The following TTC13 variants were observed in gnomAD, a reference collection of about 807,000 sequenced individuals.
TTC13 encodes the protein tetratricopeptide repeat domain 13.
In TTC13, 62 loss-of-function variants were observed where a neutral mutation model predicts 120.0. That is an observed-to-expected ratio of 0.52 (90% CI 0.42 to 0.64). The LOEUF (loss-of-function observed/expected upper bound fraction) is 0.64, where lower values mean the gene tolerates loss of function less well. TTC13 is among the 30% of genes least tolerant of loss of function. The pLI is 0.00. For missense variants in TTC13, 824 were observed against 1,050.2 expected (o/e 0.78, Z 2.98); for synonymous variants, 384 against 393.5 (o/e 0.98, Z 0.28).
Position 230,931,414 on chromosome 1 carries a change from T to C in TTC13, c.1184A>G (p.His395Arg), listed in dbSNP as rs761187326. 3 of 1,614,254 alleles carry C rather than the reference T, an allele frequency of 1.9e-6. No individual in the cohort carries two copies. Among genetic ancestry groups the C allele is most frequent in the South Asian group, 1.1e-5 (1 of 91,088 alleles). The stretch of plus-strand genomic sequence containing the variant: ...TTCATAAAACTGTCCCATGGCAACA[T>C]GGCTGAGCCCTTTCATATACTGGCA... ...EVCQYMKGLS[H>R]VAMGQFYEGI... Residue 395 changes from histidine (H) to arginine (R), a missense_variant, in exon 11 of 23, where the codon CAT (histidine) becomes CGT (arginine). By Grantham distance (29) the His-to-Arg change is conservative. Around this residue, in one of 4 missense-constraint regions of TTC13, gnomAD observed 430 missense variants for 626.8 expected, o/e 0.69. Transcript: ENST00000366661.
chr1:230,975,989 T>C (rs1454334537), intron 1 of TTC13, among the ~76,000 whole-genome samples: 1 of 152,230 alleles, frequency 6.6e-6, no homozygotes, highest in Non-Finnish European at 1.5e-5. Context: ...AGGGAATACA[T>C]ATACTGCTTG....
At chr1:230,973,639 C>T (rs890205845) in intron 1 of TTC13, among the ~76,000 whole-genome samples, 2 of 151,964 alleles carry the variant, frequency 1.3e-5, no homozygotes, top group Non-Finnish European at 2.9e-5. Context: ...ATTTTCAAGG[C>T]GAGAGGAGAA....
intron 12 of TTC13, among the ~76,000 whole-genome samples, chr1:230,927,896 T>C (rs1488832689): frequency 1.3e-5 from 2 of 152,200 alleles, no homozygotes; most frequent in African/African-American, 4.8e-5. Flanking sequence ...ATTTTATCCA[T>C]AAAATAACTT....
chr1:230,954,826 T>A (rs1675907840), intron 3 of TTC13, among the ~76,000 whole-genome samples: 2 of 152,210 alleles, frequency 1.3e-5, no homozygotes, highest in Non-Finnish European at 2.9e-5. Context: ...CAAATCTCAA[T>A]TCCTGGGAGT....
chr1:230,964,535 C>G (rs58981549), intron 1 of TTC13, among the ~76,000 whole-genome samples: 5,668 of 152,184 alleles, frequency 0.037, 356 homozygotes, highest in African/African-American at 0.13. Context: ...ATATCCTTTG[C>G]TCATTTTTAA....
intron 4 of TTC13, among the ~76,000 whole-genome samples, chr1:230,951,954 T>C (rs1675634822): frequency 6.6e-6 from 1 of 152,206 alleles, no homozygotes; most frequent in East Asian, 1.9e-4. Flanking sequence ...GAGAATTTGA[T>C]GAAATCAACA....
intron 1 of TTC13, among the ~76,000 whole-genome samples, chr1:230,975,433 C>T (rs891842810): frequency 1.3e-5 from 2 of 152,046 alleles, no homozygotes; most frequent in Admixed American, 6.6e-5. Context: ...AAAAAGATTG[C>T]AGAGTGTTTA....
At chr1:230,970,207 C>T (rs1677586504) in intron 1 of TTC13, among the ~76,000 whole-genome samples, 3 of 152,178 alleles carry the variant, frequency 2.0e-5, no homozygotes, top group Non-Finnish European at 4.4e-5. Context: ...AAACTTCTTT[C>T]CTCTCCTCCT....
chr1:230,921,513 C>A lies in TTC13; in HGVS notation c.1815-9G>T. On this transcript the variant is annotated splice_polypyrimidine_tract_variant and intron_variant, in intron 15 of 22. Coordinates refer to ENST00000366661, the MANE Select transcript of TTC13 (RefSeq NM_024525.5). ...TGTTGATCACCTGACCCCTATAAGG[C>A]AAAAATAATAAAATTAAGAATATTT... 2 of 1,374,956 alleles carry A rather than the reference C, an allele frequency of 1.5e-6. No homozygotes were observed. Among genetic ancestry groups the A allele is most frequent in the Non-Finnish European group, 2.0e-6 (2 of 1,007,076 alleles). 85.2% of individuals were successfully genotyped at this position (1,374,956 alleles called of 1,614,324 possible).
intron 1 of TTC13, among the ~76,000 whole-genome samples, chr1:230,969,103 A>T (rs948476463): frequency 3.3e-5 from 5 of 152,052 alleles, no homozygotes; most frequent in South Asian, 2.1e-4. Context: ...TCTACTAAAA[A>T]TACAAAAACC....
At chr1:230,960,019 T>A (rs557994018) in intron 2 of TTC13, among the ~76,000 whole-genome samples, 1 of 152,384 alleles carries the variant, frequency 6.6e-6, no homozygotes, top group Admixed American at 6.5e-5. Flanking sequence ...GCTATCTGGC[T>A]TGCTGCTGTA....
chr1:230,963,771 G>A (rs1334911953), intron 1 of TTC13, among the ~76,000 whole-genome samples: 2 of 152,172 alleles, frequency 1.3e-5, no homozygotes, highest in African/African-American at 4.8e-5. Flanking sequence ...CAAAGGCAAG[G>A]AAATGCAAAG....
rs201928598 is a variant in TTC13 at position 230,958,345 on chromosome 1, T to C, written c.367-46A>G. On this transcript the variant is annotated intron_variant, in intron 2 of 22. Coordinates refer to ENST00000366661, the MANE Select transcript of TTC13 (RefSeq NM_024525.5). ...ACCCATACATTTTAGCTATCACAAA[T>C]GAAAGAAAACTTGTATTAAAATCTG... The C allele has an allele frequency of 3.2e-6, 5 of 1,556,130 alleles. No individual in the cohort carries two copies. In the African/African-American group the frequency reaches 5.6e-5, roughly 17 times the overall value.
intron 8 of TTC13, chr1:230,936,423 T>C (rs968838719): frequency 1.2e-4 from 43 of 366,912 alleles, no homozygotes; most frequent in African/African-American, 8.5e-4. Flanking sequence ...TTCTTACTAG[T>C]TGACAGGCAA....
intron 8 of TTC13, among the ~76,000 whole-genome samples, chr1:230,937,956 T>C (rs9431605): frequency 0.13 from 20,434 of 152,174 alleles, 1,384 homozygotes; most frequent in Middle Eastern, 0.16. Context: ...TCCTTGAAAT[T>C]CATTATTGCA....
chr1:230,929,879 G>GA (rs11377066), intron 11 of TTC13, among the ~76,000 whole-genome samples: 103,768 of 152,058 alleles, frequency 0.68, 35,512 homozygotes, highest in Admixed American at 0.72. Context: ...CACTGAACCA[G>GA]AAAAAAGGGA....
chr1:230,977,903 T>TGACACACAG (rs1343577150), intron 1 of TTC13, among the ~76,000 whole-genome samples: 1 of 152,232 alleles, frequency 6.6e-6, no homozygotes, highest in Non-Finnish European at 1.5e-5. Context: ...CACACGGCAC[T>TGACACACAG]GACACACAGG....
intron 4 of TTC13, among the ~76,000 whole-genome samples, chr1:230,952,359 C>T (rs1367992196): frequency 6.6e-6 from 1 of 152,092 alleles, no homozygotes; most frequent in Non-Finnish European, 1.5e-5. Flanking sequence ...AGGAAAGCAC[C>T]AGCAGGAAAG....
At chr1:230,962,667 G>A (rs1676753440) in intron 1 of TTC13, among the ~76,000 whole-genome samples, 1 of 152,140 alleles carries the variant, frequency 6.6e-6, no homozygotes, top group African/African-American at 2.4e-5. Flanking sequence ...AATCACAGTA[G>A]CCAAAAGGGA....
Sources: gnomAD v4.1 joint callset for allele counts (sites outside exome capture counted in the v4.1 genomes callset) on GRCh38, gnomAD v4.1.1 for gene constraint, gnomAD v4.1.1 regional missense constraint, MANE v1.5 for transcripts, NCBI Gene and HGNC (gene_info 2026-07-23, HGNC 2026-07-21) for gene names.